The following MCM3AP variants were observed in gnomAD, a reference collection of about 807,000 sequenced individuals.
MCM3AP encodes germinal-center associated nuclear protein.
Under a neutral mutation model 184.1 loss-of-function variants are expected in MCM3AP, and 126 were observed. The observed-to-expected ratio is 0.68, with a 90% CI of 0.59 to 0.79. MCM3AP has a LOEUF of 0.79. MCM3AP is among the 30% of genes least tolerant of loss of function. The pLI is 0.00. For missense variants in MCM3AP, 2,496 were observed against 2,479.2 expected, an observed-to-expected ratio of 1.01 and a Z score of -0.14; for synonymous variants, 1,002 against 979.3, an observed-to-expected ratio of 1.02 and a Z score of -0.43.
rs148481230 is a variant in MCM3AP, at chr21:46,285,277, T to G, written c.10A>C (p.Thr4Pro). ...GGCTGCTGCCCACTGAAAGGATTAG[T>G]TGGGTTCATCTTCTGCTCCAATTAT... MNP[T>P]NPFSGQQPSA... is the part of the protein sequence containing the mutation. Residue 4 changes from threonine (T) to proline (P), a missense_variant, in exon 1 of 28, where the codon ACT becomes CCT. By Grantham distance (38) the Thr-to-Pro change is conservative. Around this residue, in one of 5 missense-constraint regions of MCM3AP, gnomAD observed 800 missense variants for 717.1 expected, o/e 1.12. Coordinates refer to ENST00000291688, the MANE Select transcript of MCM3AP (RefSeq NM_003906.5). The G allele has an allele frequency of 8.3e-5, 134 of 1,611,418 alleles. No individual in the cohort carries two copies. In the East Asian group the frequency reaches 1.6e-3, roughly 19 times the overall value.
In MCM3AP at chr21:46,272,727, T is replaced by C. The variant is rs2081197228; in HGVS notation, c.2299A>G (p.Met767Val). 6.2e-7 allele frequency: 1 copy of C among 1,614,188 alleles called. No individual in the cohort carries two copies. The highest frequency in any genetic ancestry group is 8.5e-7 in the Non-Finnish European group (1 of 1,180,038). The change falls in exon 8 of 28, where the codon ATG (methionine) becomes GTG (valine). Residue 767 changes from methionine to valine, a missense_variant. Met to Val is a conservative substitution (Grantham distance 21, BLOSUM62 1). Around this residue, in one of 5 missense-constraint regions of MCM3AP, gnomAD observed 105 missense variants for 97.1 expected, o/e 1.08. Coordinates refer to ENST00000291688, the MANE Select transcript of MCM3AP (RefSeq NM_003906.5). ...HCAHFMCEEP[M>V]SSFDAKINNE... ...TTGATCTTGGCATCAAAGGAGGACA[T>C]GGGCTCCTCACACATGAAGTGGGCA...
intron 10 of MCM3AP, chr21:46,266,443 AAGG>A (rs372421964): frequency 3.6e-5 from 12 of 330,250 alleles, no homozygotes; most frequent in East Asian, 2.1e-4. Context: ...ACAGAACTGG[AAGG>A]AGGAGACAGA....
At chr21:46,261,178 G>C in intron 14 of MCM3AP, 102 bp downstream of exon 14, 1 of 1,445,506 alleles carries the variant, frequency 6.9e-7, no homozygotes, top group Non-Finnish European at 9.5e-7. Context: ...GGGGTGGAAT[G>C]GTAGCACAGT....
chr21:46,272,864 T>C, intron 7 of MCM3AP, 35 bp from the exon 8 acceptor site: 2 of 1,527,778 alleles, frequency 1.3e-6, no homozygotes, highest in Non-Finnish European at 1.8e-6. Context: ...CACACACACA[T>C]TCCCATGCAA....
chr21:46,280,466 TA>T, intron 3 of MCM3AP, 30 bp downstream of exon 3: 1 of 1,483,722 alleles, frequency 6.7e-7, no homozygotes, highest in Non-Finnish European at 9.3e-7. Flanking sequence ...ATAATTTTTT[TA>T]AAAAGTGAAA....
intron 12 of MCM3AP, 40 bp from the exon 13 acceptor site, chr21:46,264,257 C>A: frequency 7.6e-7 from 1 of 1,323,848 alleles, no homozygotes. Context: ...GAACGTCCCA[C>A]CCAGGGCAGA....
intron 24 of MCM3AP, 126 bp from the exon 25 acceptor site, chr21:46,243,057 G>A (rs1489357855): frequency 1.2e-6 from 1 of 869,432 alleles, no homozygotes; most frequent in Non-Finnish European, 1.7e-6. Flanking sequence ...CAGGTGGCAT[G>A]TGCTTAAATT....
At chr21:46,260,503 C>A (rs541695094) in intron 15 of MCM3AP, among the ~76,000 whole-genome samples, 1 of 152,294 alleles carries the variant, frequency 6.6e-6, no homozygotes, top group East Asian at 1.9e-4. Context: ...CTGACTTGTG[C>A]AATCAATTGG....
intron 4 of MCM3AP, 53 bp downstream of exon 4, chr21:46,279,940 G>A: frequency 6.4e-7 from 1 of 1,556,036 alleles, no homozygotes; most frequent in Non-Finnish European, 8.7e-7. Flanking sequence ...TCGCTATAGG[G>A]CGCTATTTCC....
At chr21:46,249,154 T>C (rs1477082224) in intron 20 of MCM3AP, among the ~76,000 whole-genome samples, 1 of 151,956 alleles carries the variant, frequency 6.6e-6, no homozygotes, top group Non-Finnish European at 1.5e-5. Context: ...ACAGCAACAA[T>C]GGATGCTAGG....
chr21:46,285,202 G>T lies in MCM3AP; in HGVS notation c.85C>A (p.Pro29Thr). The stretch of plus-strand genomic sequence containing the variant: ...GAAGGTTGACCAAATCGAAATGGCG[G>T]CTTAGATGGAAGTGTTCCTACATTA... ...SSNVGTLPSK[P>T]PFRFGQPSLF... is the part of the protein sequence containing the mutation. Residue 29 changes from proline (P) to threonine (T), a missense_variant, in exon 1 of 28, where the codon CCG becomes ACG. By Grantham distance (38) the Pro-to-Thr change is conservative. This residue lies in a region of MCM3AP where 800 missense variants were observed against 717.1 expected (regional missense o/e 1.12). Transcript: ENST00000291688. 1 of 1,614,248 alleles carries T rather than the reference G, an allele frequency of 6.2e-7. No individual in the cohort carries two copies. Among genetic ancestry groups the T allele is most frequent in the South Asian group, 1.1e-5 (1 of 91,082 alleles).
At position 46,251,207 on chromosome 21, in the gene MCM3AP, TATC is replaced by T. The variant is rs138807277; in HGVS notation, c.4290+319_4290+321del. 1,325 of 182,098 alleles carry T rather than the reference TATC, an allele frequency of 7.3e-3. 16 individuals are homozygous for T. Among genetic ancestry groups the T allele is most frequent in the African/African-American group, 0.029 (1,255 of 42,890 alleles). The allele number at this position is 182,098 out of a possible 1,614,324, so 11.3% of individuals were successfully genotyped here. A position where few individuals can be genotyped will look rare whatever the true frequency, so the allele number is the denominator to read the frequency against. ...GAATGGCAAGAGCATGGATGGCTCTTATCATCATCTTTATACTTCTTTTACATT... is the reference window on the plus strand; with the variant it reads ...GAATGGCAAGAGCATGGATGGCTCTTATCATCTTTATACTTCTTTTACATT... On this transcript the variant is annotated intron_variant, in intron 20 of 27. Transcript: ENST00000291688.
chr21:46,251,881 C>CTTT (rs754670172), intron 19 of MCM3AP, 199 bp from the exon 20 acceptor site: 8,556 of 127,306 alleles, frequency 0.067, 685 homozygotes, highest in African/African-American at 0.14. Context: ...TGTACTCGTT[C>CTTT]TTTTTTTTTT....
rs2081360439 is a variant in MCM3AP, at chr21:46,283,645, T to C, written c.1413A>G (p.Lys471=). 1.9e-6 allele frequency: 3 copies of C among 1,613,980 alleles called. No individual in the cohort carries two copies. In the South Asian group the frequency reaches 3.3e-5, roughly 18 times the overall value. Residue 471 remains lysine, a synonymous_variant, in exon 2 of 28, where the codon AAA becomes AAG. Transcript: ENST00000291688. The stretch of plus-strand genomic sequence containing the variant: ...CAAAGAAATGTACCACTGCAAGCTT[T>C]TTGCTGCGCCTGGTAAAGATGCGCT... The part of the protein sequence containing the change: ...KVQRIFTRRS[K]KLAVVHFFDH...
At chr21:46,274,377 T>C (rs1208493121) in intron 6 of MCM3AP, among the ~76,000 whole-genome samples, 1 of 152,192 alleles carries the variant, frequency 6.6e-6, no homozygotes, top group Non-Finnish European at 1.5e-5. Flanking sequence ...CAGAGAAGCA[T>C]TACATACAAG....
In MCM3AP at chr21:46,273,460, G is replaced by A. The variant is rs760095306; in HGVS notation, c.2124C>T (p.Ile708=). 5 of 1,613,860 alleles carry A rather than the reference G, an allele frequency of 3.1e-6. No individual in the cohort carries two copies. Among genetic ancestry groups the A allele is most frequent in the Non-Finnish European group, 4.2e-6 (5 of 1,179,876 alleles). The stretch of plus-strand genomic sequence containing the variant: ...GCAGGCTGCCCTCCTTCTGGTCCAT[G>A]ATCTGGGTCACCAGGTAGTCCATGG... ...SRTMDYLVTQ[I]MDQKEGSLRD... is the part of the protein sequence containing the mutation. The change falls in exon 7 of 28, where the codon ATC becomes ATT. Residue 708 remains isoleucine, a synonymous_variant. Transcript: ENST00000291688.
rs923255966 is a variant in MCM3AP at position 46,278,680 on chromosome 21, C to CT, written c.1668-964dup. 8.6e-3 allele frequency among the ~76,000 whole-genome samples: 1,282 copies of CT among 148,478 alleles called. 14 individuals carry two copies. Among genetic ancestry groups the CT allele is most frequent in the African/African-American group, 0.029 (1,179 of 40,378 alleles). Reference sequence around the variant, plus strand: ...TGCTGCCCTTCCTTTAGGAGACAGCCTTTTTTTTTTTGAGATGGGGTCTCG... The same window carrying CT: ...TGCTGCCCTTCCTTTAGGAGACAGCCTTTTTTTTTTTTGAGATGGGGTCTCG... On this transcript the variant is annotated intron_variant, in intron 4 of 27. Coordinates refer to ENST00000291688, the MANE Select transcript of MCM3AP (RefSeq NM_003906.5).
At position 46,278,766 on chromosome 21, in the gene MCM3AP, C is replaced by T. The variant is rs1000553390; in HGVS notation, c.1668-1049G>A. On this transcript the variant is annotated intron_variant, in intron 4 of 27. Transcript: ENST00000291688. The stretch of plus-strand genomic sequence containing the variant: ...TCGGCTCACTGCAAGCTCCGCCTCC[C>T]GGGTTCACGCAGTTCTCCTGCCTCA... Among the ~76,000 whole-genome samples the T allele has an allele frequency of 5.3e-5, 8 of 152,054 alleles. No homozygotes were observed. In the South Asian group the frequency reaches 1.3e-3, roughly 24 times the overall value.
At position 46,254,390 on chromosome 21, in the gene MCM3AP, AC is replaced by A; in HGVS notation, c.4136+1del. The A allele has an allele frequency of 6.2e-7, 1 of 1,607,258 alleles. No individual in the cohort carries two copies. The highest frequency in any genetic ancestry group is 8.5e-7 in the Non-Finnish European group (1 of 1,178,352). On this transcript the variant is annotated splice_donor_variant, in intron 19 of 27. Coordinates refer to ENST00000291688, the MANE Select transcript of MCM3AP (RefSeq NM_003906.5). LOFTEE classifies it high-confidence loss of function. Reference sequence around the variant, plus strand: ...ACCCCACAGGGGAAAACCCTTCCTGACCTGCCACAACTCTCTGGGGACTGCT... The same window carrying A: ...ACCCCACAGGGGAAAACCCTTCCTGACTGCCACAACTCTCTGGGGACTGCT...
Sources: allele counts gnomAD v4.1 joint callset (sites outside exome capture counted in the v4.1 genomes callset), GRCh38; gene constraint gnomAD v4.1.1; regional missense constraint gnomAD v4.1.1; transcripts MANE v1.5; gene names NCBI Gene and HGNC (gene_info 2026-07-23, HGNC 2026-07-21).